Variants in ACOT12 observed in about 807,000 individuals in gnomAD.
ACOT12 encodes acyl-CoA thioesterase 12.
A neutral mutation model predicts 67.7 loss-of-function variants in ACOT12; 51 were observed. The ratio of observed to expected loss-of-function variants is 0.75; its 90% CI spans 0.60 to 0.95. ACOT12 has a LOEUF of 0.95. Among genes scored for constraint, ACOT12 ranks in the 40% least tolerant of loss-of-function variants. ACOT12 has a pLI of 0.00. For missense variants in ACOT12, 734 were observed against 708.1 expected (o/e 1.04, Z -0.41); for synonymous variants, 251 against 244.6 (o/e 1.03, Z -0.24).
chr5:81,364,193 C>G (rs1760003719), intron 3 of ACOT12, among the ~76,000 whole-genome samples: 1 of 150,986 alleles, frequency 6.6e-6, no homozygotes, highest in South Asian at 2.1e-4. Flanking sequence ...GGTGAATTTT[C>G]TTCTAGCTTT....
intron 5 of ACOT12, among the ~76,000 whole-genome samples, chr5:81,349,346 G>GCCTGCAAGC (rs1236397420): frequency 6.6e-6 from 1 of 152,012 alleles, no homozygotes; most frequent in Non-Finnish European, 1.5e-5. Flanking sequence ...CCTTCCCATG[G>GCCTGCAAGC]CCTGCAAGCC....
At chr5:81,386,605 A>G (rs1039887797) in intron 1 of ACOT12, among the ~76,000 whole-genome samples, 3 of 152,198 alleles carry the variant, frequency 2.0e-5, no homozygotes, top group Non-Finnish European at 4.4e-5. Context: ...TTTGAGAAAC[A>G]CAATTGAAAG....
chr5:81,347,999 T>C lies in ACOT12; in HGVS notation c.497-69A>G, dbSNP rs553813216. The C allele has an allele frequency of 3.3e-6, 5 of 1,510,044 alleles. No individual in the cohort carries two copies. The African/African-American group carries it at 5.6e-5, about 17-fold the overall frequency. 93.5% of individuals were successfully genotyped at this position (1,510,044 alleles called of 1,614,324 possible). A position where few individuals can be genotyped will look rare whatever the true frequency, so the allele number is the denominator to read the frequency against. Reference sequence around the variant, plus strand: ...AGGCCCTGGGGCTCCAGCTTTTCCTTCCCGGCAGTACATTCAACTCGGATT... The same window carrying C: ...AGGCCCTGGGGCTCCAGCTTTTCCTCCCCGGCAGTACATTCAACTCGGATT... On this transcript the variant is annotated intron_variant, in intron 5 of 14. Transcript: ENST00000307624.
chr5:81,352,297 T>C lies in ACOT12; in HGVS notation c.497-4367A>G, dbSNP rs150793295. 1.8e-4 allele frequency among the ~76,000 whole-genome samples: 28 copies of C among 152,340 alleles called. 4 individuals carry two copies. The East Asian group carries it at 4.4e-3, about 24-fold the overall frequency. ...AGGAAATCAGGATACTGAAGAGATATATGCATTCCCATGTTTGTTGCAGCC... is the reference window on the plus strand; with the variant it reads ...AGGAAATCAGGATACTGAAGAGATACATGCATTCCCATGTTTGTTGCAGCC... On this transcript the variant is annotated intron_variant, in intron 5 of 14. Transcript: ENST00000307624.
chr5:81,323,650 C>T, the ACOT12 span, among the ~76,000 whole-genome samples: 6 of 152,090 alleles, frequency 3.9e-5, no homozygotes, highest in East Asian at 1.9e-4. Context: ...TAATGTACCA[C>T]GCAGACCCTT....
At chr5:81,363,283 G>A (rs1235346687) in intron 4 of ACOT12, among the ~76,000 whole-genome samples, 5 of 152,088 alleles carry the variant, frequency 3.3e-5, no homozygotes, top group South Asian at 2.1e-4. Context: ...GTATCACTTC[G>A]GAGGGTGTTT....
the ACOT12 span, chr5:81,309,018 C>T: frequency 1.6e-5 from 25 of 1,611,690 alleles, no homozygotes; most frequent in East Asian, 5.1e-4. Context: ...CCTGATAATC[C>T]CAAAGGACTC....
the ACOT12 span, among the ~76,000 whole-genome samples, chr5:81,318,908 T>A: frequency 5.3e-5 from 8 of 152,170 alleles, no homozygotes; most frequent in African/African-American, 1.9e-4. Flanking sequence ...ACAGTGATAG[T>A]TTTCTGGGGA....
chr5:81,364,050 T>C (rs1406854349), intron 3 of ACOT12, among the ~76,000 whole-genome samples, 161 bp from the exon 4 acceptor site: 1 of 152,216 alleles, frequency 6.6e-6, no homozygotes, highest in East Asian at 1.9e-4. Flanking sequence ...TGATGTTCTA[T>C]AACACTGGAC....
intron 5 of ACOT12, among the ~76,000 whole-genome samples, chr5:81,351,562 T>C (rs1759553431): frequency 6.6e-6 from 1 of 152,196 alleles, no homozygotes; most frequent in Admixed American, 6.5e-5. Flanking sequence ...TGCAGAAGAA[T>C]GAAACTAGAC....
the ACOT12 span, among the ~76,000 whole-genome samples, chr5:81,320,943 G>A: frequency 2.0e-5 from 3 of 152,106 alleles, no homozygotes; most frequent in South Asian, 2.1e-4. Flanking sequence ...TGTGAAGGCC[G>A]GCTCTCTGGT....
the ACOT12 span, among the ~76,000 whole-genome samples, chr5:81,321,098 A>T: frequency 1.3e-5 from 2 of 152,100 alleles, no homozygotes; most frequent in Admixed American, 6.5e-5. Flanking sequence ...TCTACAAAAA[A>T]TACAAAATTC....
chr5:81,385,851 C>T lies in ACOT12; in HGVS notation c.128-25G>A, dbSNP rs574136410. The T allele has an allele frequency of 2.1e-4, 342 of 1,606,984 alleles. 1 individual carries two copies. The South Asian group carries it at 3.5e-3, about 17-fold the overall frequency. On this transcript the variant is annotated intron_variant, in intron 1 of 14. Transcript: ENST00000307624. ...GCTTCAAAAAATACATAAAAATGTG[C>T]TGCTTTAGTGGTGATATGAGAATAT...
chr5:81,339,199 C>A (rs967734786), intron 11 of ACOT12, among the ~76,000 whole-genome samples: 1 of 152,184 alleles, frequency 6.6e-6, no homozygotes, highest in Non-Finnish European at 1.5e-5. Context: ...TTTACAGAAG[C>A]CTAGGGGAGC....
chr5:81,366,944 G>A (rs1760099153), intron 3 of ACOT12, among the ~76,000 whole-genome samples: 2 of 152,040 alleles, frequency 1.3e-5, no homozygotes, highest in South Asian at 4.1e-4. Context: ...AAGTCCAAAA[G>A]GAGAGAGAGC....
Position 81,349,745 on chromosome 5 carries a change from G to C in ACOT12, c.497-1815C>G, listed in dbSNP as rs62365870. 6.2e-3 allele frequency among the ~76,000 whole-genome samples: 944 copies of C among 152,194 alleles called. 11 individuals are homozygous for C. The highest frequency in any genetic ancestry group is 6.3e-3 in the Non-Finnish European group (427 of 68,004). ...TCTCATATAATTCCTGAACATAGGT[G>C]CTCAATAAATATTTATTAAATGAAA... On this transcript the variant is annotated intron_variant, in intron 5 of 14. Coordinates refer to ENST00000307624, the MANE Select transcript of ACOT12 (RefSeq NM_130767.3).
At chr5:81,341,912 T>C (rs1158132126) in intron 11 of ACOT12, among the ~76,000 whole-genome samples, 3 of 152,212 alleles carry the variant, frequency 2.0e-5, no homozygotes, top group East Asian at 1.9e-4. Context: ...TAAATTTCCA[T>C]GTAAGGCTTA....
chr5:81,344,047 A>G, intron 9 of ACOT12, 113 bp downstream of exon 9: 1 of 1,323,148 alleles, frequency 7.6e-7, no homozygotes, highest in Non-Finnish European at 1.1e-6. Flanking sequence ...GCCAGGAAAC[A>G]TCAGACCTTC....
At chr5:81,354,207 A>G (rs972389272) in intron 5 of ACOT12, among the ~76,000 whole-genome samples, 11 of 152,240 alleles carry the variant, frequency 7.2e-5, no homozygotes, top group African/African-American at 2.4e-4. Context: ...TTTGAGAAAA[A>G]TCTATAATTT....
Sources: allele counts gnomAD v4.1 joint callset (sites outside exome capture counted in the v4.1 genomes callset), GRCh38; gene constraint gnomAD v4.1.1; transcripts MANE v1.5; gene names NCBI Gene and HGNC (gene_info 2026-07-23, HGNC 2026-07-21).